RASGEF1C: variants seen among roughly 807,000 people sequenced by gnomAD.
RASGEF1C encodes the protein ras-GEF domain-containing family member 1C.
A neutral mutation model predicts 58.1 loss-of-function variants in RASGEF1C; 27 were observed. The observed-to-expected ratio is 0.46, with a 90% CI of 0.34 to 0.64. The LOEUF (loss-of-function observed/expected upper bound fraction) is 0.64. Among genes scored for constraint, RASGEF1C ranks in the 30% least tolerant of loss-of-function variants. RASGEF1C has a pLI of 0.01. For missense variants in RASGEF1C, 502 were observed against 605.1 expected, an observed-to-expected ratio of 0.83 and a Z score of 1.79; for synonymous variants, 243 against 246.3, an observed-to-expected ratio of 0.99 and a Z score of 0.13.
intron 1 of RASGEF1C, among the ~76,000 whole-genome samples, chr5:180,205,045 CT>C: frequency 6.6e-6 from 1 of 152,206 alleles, no homozygotes; most frequent in African/African-American, 2.4e-5. Context: ...AAAAATTAGC[CT>C]GACGTGGTGG....
chr5:180,107,753 C>T (rs1765894512), intron 12 of RASGEF1C, among the ~76,000 whole-genome samples: 1 of 152,124 alleles, frequency 6.6e-6, no homozygotes, highest in Non-Finnish European at 1.5e-5. Flanking sequence ...GGATTATAGG[C>T]ATGTGCCACC....
rs562105599 is a variant in RASGEF1C at position 180,145,754 on chromosome 5, G to A, written c.-6-7696C>T. Among the ~76,000 whole-genome samples the A allele has an allele frequency of 5.1e-4, 78 of 152,304 alleles. 1 individual carries two copies. In the South Asian group the frequency reaches 0.013, roughly 26 times the overall value. ...TAAGGAACAAAAGAGAAGCCGTGGCGTTTCAAGACCCAGATCAGAGGAGAA... is the reference window on the plus strand; with the variant it reads ...TAAGGAACAAAAGAGAAGCCGTGGCATTTCAAGACCCAGATCAGAGGAGAA... On this transcript the variant is annotated intron_variant, in intron 1 of 13. Transcript: ENST00000361132.
Position 180,101,289 on chromosome 5 carries a change from G to T in RASGEF1C, c.*212C>A. ...GGCATGTGCCGCCCGCACGTCTGGA[G>T]GCCCTGGGTCCTGCCAGGGCCAAAG... On this transcript the variant is annotated 3_prime_UTR_variant, in exon 14 of 14. Transcript: ENST00000361132. 1.7e-6 allele frequency: 1 copy of T among 596,020 alleles called. No individual in the cohort carries two copies. Among genetic ancestry groups the T allele is most frequent in the South Asian group, 2.1e-5 (1 of 48,352 alleles). 36.9% of individuals were successfully genotyped at this position (596,020 alleles called of 1,614,324 possible).
Position 180,155,269 on chromosome 5 carries a change from CCTTT to C in RASGEF1C, c.-6-17215_-6-17212del, listed in dbSNP as rs1370821487. On this transcript the variant is annotated intron_variant, in intron 1 of 13. Coordinates refer to ENST00000361132, the MANE Select transcript of RASGEF1C (RefSeq NM_175062.4). This position sits in a 1 kb window ranked among gnomAD's most constrained non-coding sequence, Gnocchi z 5.2. Reference sequence around the variant, plus strand: ...AGGCTCTGAAAGCCTCTGTGGTCCTCCTTTTCTCTCTCCTTGGAAGAGCCTGGAG... The same window carrying C: ...AGGCTCTGAAAGCCTCTGTGGTCCTCTCTCTCTCCTTGGAAGAGCCTGGAG... Among the ~76,000 whole-genome samples the C allele has an allele frequency of 6.6e-6, 1 of 152,218 alleles. No homozygotes were observed. Among genetic ancestry groups the C allele is most frequent in the Non-Finnish European group, 1.5e-5 (1 of 68,038 alleles).
chr5:180,208,841 C>T (rs1277690077), intron 1 of RASGEF1C, among the ~76,000 whole-genome samples, 187 bp downstream of exon 1: 4 of 151,384 alleles, frequency 2.6e-5, no homozygotes, highest in East Asian at 2.0e-4. Flanking sequence ...CTACCCGCTA[C>T]CCCCGCGCCT....
At chr5:180,176,526 A>T (rs928307298) in intron 1 of RASGEF1C, among the ~76,000 whole-genome samples, 15 of 151,660 alleles carry the variant, frequency 9.9e-5, no homozygotes, top group African/African-American at 3.6e-4. Context: ...CACTCAGGTA[A>T]CAGAGGGCCT....
chr5:180,139,048 T>TA (rs1286611730), intron 1 of RASGEF1C, among the ~76,000 whole-genome samples: 1 of 152,156 alleles, frequency 6.6e-6, no homozygotes. Context: ...CTGCAGCCGT[T>TA]ACAGTGTCTT....
At chr5:180,105,559 C>G (rs1279798868) in intron 12 of RASGEF1C, among the ~76,000 whole-genome samples, 1 of 141,786 alleles carries the variant, frequency 7.1e-6, no homozygotes, top group Non-Finnish European at 1.5e-5. Flanking sequence ...AAGACTCTGT[C>G]TCAAAAAAAA....
chr5:180,116,968 G>C (rs1766077527), intron 10 of RASGEF1C, among the ~76,000 whole-genome samples: 1 of 152,244 alleles, frequency 6.6e-6, no homozygotes, highest in East Asian at 1.9e-4. Flanking sequence ...TCAGTCTGCT[G>C]ATCTGGGAAT....
chr5:180,196,324 A>AC (rs1432368140), intron 1 of RASGEF1C, among the ~76,000 whole-genome samples: 1 of 151,952 alleles, frequency 6.6e-6, no homozygotes, highest in Non-Finnish European at 1.5e-5. Context: ...ACATGGTGAA[A>AC]CCCCATCTCT....
In RASGEF1C at chr5:180,118,864, C is replaced by T. The variant is rs138948699; in HGVS notation, c.910G>A (p.Gly304Ser). Residue 304 changes from glycine (G) to serine (S), a missense_variant and splice_region_variant, in exon 9 of 14, where the codon GGC (glycine) becomes AGC (serine). Physicochemically the swap from Gly to Ser is moderately conservative, Grantham distance 56 (BLOSUM62 0). Coordinates refer to ENST00000361132, the MANE Select transcript of RASGEF1C (RefSeq NM_175062.4). ...NFNSLMAIIS[G>S]MNMSPVSRLK... ...CTGGAGACAGGGCTCATGTTCATGC[C>T]GGCTGGAAGAGGGAGGAGGGTTGGA... is the stretch of plus-strand genomic sequence containing the variant. 2.1e-4 allele frequency: 340 copies of T among 1,614,148 alleles called. No individual in the cohort carries two copies. The highest frequency in any genetic ancestry group is 2.6e-4 in the Non-Finnish European group (305 of 1,179,978).
chr5:180,115,622 A>G lies in RASGEF1C; in HGVS notation c.1084-1081T>C, dbSNP rs567732649. 4.1e-4 allele frequency among the ~76,000 whole-genome samples: 62 copies of G among 152,270 alleles called. 1 individual carries two copies. The highest frequency in any genetic ancestry group is 1.6e-4 in the Non-Finnish European group (11 of 68,016). On this transcript the variant is annotated intron_variant, in intron 10 of 13. Coordinates refer to ENST00000361132, the MANE Select transcript of RASGEF1C (RefSeq NM_175062.4). ...TGTGCTCCCACAGAGCCCGCTACTT[A>G]TGCCTTTATCAAGCCTGCGTGCCTC...
At chr5:180,122,323 C>T (rs749809976) in intron 6 of RASGEF1C, among the ~76,000 whole-genome samples, 4 of 152,112 alleles carry the variant, frequency 2.6e-5, no homozygotes, top group African/African-American at 7.2e-5. Context: ...CCTTGCTATG[C>T]GAACCTTTCC....
At position 180,137,754 on chromosome 5, in the gene RASGEF1C, A is replaced by C; in HGVS notation, c.178-42T>G. On this transcript the variant is annotated intron_variant, in intron 2 of 13. Coordinates refer to ENST00000361132, the MANE Select transcript of RASGEF1C (RefSeq NM_175062.4). This position sits in a 1 kb window ranked among gnomAD's most constrained non-coding sequence, Gnocchi z 4.1. Reference sequence around the variant, plus strand: ...AAAGAGGGCACAGGCTCAGGAGGGCACCAGGAGGGGCATGCTTCCCAGCTG... The same window carrying C: ...AAAGAGGGCACAGGCTCAGGAGGGCCCCAGGAGGGGCATGCTTCCCAGCTG... The C allele has an allele frequency of 1.9e-6, 3 of 1,609,848 alleles. No individual in the cohort carries two copies. Among genetic ancestry groups the C allele is most frequent in the Non-Finnish European group, 2.5e-6 (3 of 1,177,876 alleles).
Position 180,129,277 on chromosome 5 carries a change from C to T in RASGEF1C, c.439-667G>A, listed in dbSNP as rs539435599. 3.9e-5 allele frequency among the ~76,000 whole-genome samples: 6 copies of T among 152,332 alleles called. No homozygotes were observed. In the East Asian group the frequency reaches 1.2e-3, roughly 29 times the overall value. ...GAGGGGTCGTTCCTTCCATGGGCAA[C>T]AGATAGAAGAGTCGGACAACTGCCC... On this transcript the variant is annotated intron_variant, in intron 4 of 13. Transcript: ENST00000361132.
At chr5:180,204,039 T>C (rs1756448789) in intron 1 of RASGEF1C, among the ~76,000 whole-genome samples, 1 of 151,502 alleles carries the variant, frequency 6.6e-6, no homozygotes, top group South Asian at 2.1e-4. Context: ...CAAAGTGAAA[T>C]CTGGGGGAAG....
At chr5:180,189,517 T>C (rs1013427100) in intron 1 of RASGEF1C, among the ~76,000 whole-genome samples, 3 of 152,210 alleles carry the variant, frequency 2.0e-5, no homozygotes, top group African/African-American at 7.2e-5. Flanking sequence ...GACATCAAGA[T>C]TGGCAAAGAT....
At chr5:180,205,894 G>A (rs962487869) in intron 1 of RASGEF1C, among the ~76,000 whole-genome samples, 13 of 151,966 alleles carry the variant, frequency 8.6e-5, no homozygotes, top group African/African-American at 2.7e-4. Flanking sequence ...CACCATTCCC[G>A]GGTAATTTTT....
intron 1 of RASGEF1C, among the ~76,000 whole-genome samples, chr5:180,195,446 T>C (rs1162943078): frequency 6.6e-6 from 1 of 152,134 alleles, no homozygotes; most frequent in Non-Finnish European, 1.5e-5. Context: ...ATGAAAAGCT[T>C]ACCTGTAGCG....
Sources: gnomAD v4.1 joint callset for allele counts (sites outside exome capture counted in the v4.1 genomes callset) on GRCh38, gnomAD v4.1.1 for gene constraint, Gnocchi (gnomAD v3.1) non-coding constraint, MANE v1.5 for transcripts, NCBI Gene and HGNC (gene_info 2026-07-23, HGNC 2026-07-21) for gene names.